SEC31A: variants seen among roughly 807,000 people sequenced by gnomAD.
The protein encoded by SEC31A is protein transport protein Sec31A.
SEC31A carries 70 observed loss-of-function variants against 151.0 expected under a neutral mutation model. The observed-to-expected ratio is 0.46, with a 90% CI of 0.38 to 0.57. SEC31A has a LOEUF of 0.57. Among genes scored for constraint, SEC31A ranks in the 20% least tolerant of loss-of-function variants. The pLI, the probability that SEC31A is intolerant of heterozygous loss-of-function variation, is 0.00. For synonymous variants in SEC31A, 475 were observed against 505.9 expected (o/e 0.94, Z 0.82); for missense variants, 1,330 against 1,471.2 (o/e 0.90, Z 1.57).
chr4:82,871,424 G>A, intron 7 of SEC31A: 1 of 1,503,818 alleles, frequency 6.6e-7, no homozygotes, highest in Non-Finnish European at 8.9e-7. Flanking sequence ...TAGGAACTGT[G>A]ACTTTAAGCA....
In SEC31A at chr4:82,861,678, T is replaced by C; in HGVS notation, c.1579A>G (p.Ser527Gly). The change falls in exon 14 of 27, where the codon AGT becomes GGT. Residue 527 changes from serine to glycine, a missense_variant. By Grantham distance (56) the Ser-to-Gly change is moderately conservative. Transcript: ENST00000395310. ...ALKDSDQVAQ[S>G]DGEESPAAEE... is the part of the protein sequence containing the mutation. Reference sequence around the variant, plus strand: ...GCAGCAGGGCTCTCCTCCCCATCACTCTGTGCTACTTGGTCAGAGTCTTTA... The same window carrying C: ...GCAGCAGGGCTCTCCTCCCCATCACCCTGTGCTACTTGGTCAGAGTCTTTA... 1 of 1,611,598 alleles carries C rather than the reference T, an allele frequency of 6.2e-7. No individual in the cohort carries two copies. The highest frequency in any genetic ancestry group is 1.1e-5 in the South Asian group (1 of 90,790).
At chr4:82,898,914 C>T (rs1031144850) in intron 3 of SEC31A, among the ~76,000 whole-genome samples, 2 of 151,958 alleles carry the variant, frequency 1.3e-5, no homozygotes, top group Non-Finnish European at 2.9e-5. Flanking sequence ...CACACAAAAA[C>T]TTGTACACAA....
At chr4:82,862,252 C>CA (rs70943163) in intron 13 of SEC31A, among the ~76,000 whole-genome samples, 23,748 of 89,686 alleles carry the variant, frequency 0.26, 2,308 homozygotes, top group Middle Eastern at 0.42. Context: ...TTTTCCTGGC[C>CA]AAAAAAAAAA....
At chr4:82,822,639 A>T (rs1250465051) in intron 25 of SEC31A, among the ~76,000 whole-genome samples, 1 of 152,230 alleles carries the variant, frequency 6.6e-6, no homozygotes, top group Non-Finnish European at 1.5e-5. Context: ...ACTACTGATT[A>T]AAATGAACTT....
intron 25 of SEC31A, among the ~76,000 whole-genome samples, chr4:82,822,904 C>A (rs962141846): frequency 6.6e-6 from 1 of 151,766 alleles, no homozygotes; most frequent in African/African-American, 2.4e-5. Context: ...ACCTGGGAGG[C>A]GGAGGTTGCA....
At chr4:82,844,598 A>G in intron 20 of SEC31A, 89 bp from the exon 21 acceptor site, 1 of 1,339,664 alleles carries the variant, frequency 7.5e-7, no homozygotes, top group Non-Finnish European at 1.0e-6. Flanking sequence ...ATGGAATTCT[A>G]TGTTTATTTA....
chr4:82,866,717 C>A, intron 10 of SEC31A, 91 bp downstream of exon 10: 2 of 1,119,078 alleles, frequency 1.8e-6, no homozygotes, highest in South Asian at 2.6e-5. Flanking sequence ...CAACTTAAAC[C>A]CTGATTGCTT....
chr4:82,881,006 T>C, intron 2 of SEC31A, 84 bp from the exon 3 acceptor site: 1 of 1,199,756 alleles, frequency 8.3e-7, no homozygotes. Flanking sequence ...AAAAGCATGT[T>C]TTCCATTCTC....
At chr4:82,882,375 C>T (rs1405497472) in intron 1 of SEC31A, among the ~76,000 whole-genome samples, 1 of 130,982 alleles carries the variant, frequency 7.6e-6, no homozygotes, top group Non-Finnish European at 1.5e-5. Context: ...GCATGCCAAC[C>T]TGGGCGAGAG....
chr4:82,842,032 T>C, intron 22 of SEC31A, 108 bp downstream of exon 22: 1 of 911,410 alleles, frequency 1.1e-6, no homozygotes, highest in Non-Finnish European at 1.6e-6. Context: ...AGTCAACACC[T>C]CACATTACCC....
At chr4:82,840,634 A>G (rs1031996159) in intron 22 of SEC31A, among the ~76,000 whole-genome samples, 1 of 152,206 alleles carries the variant, frequency 6.6e-6, no homozygotes, top group South Asian at 2.1e-4. Context: ...AACATCACAG[A>G]GTGCACTTAC....
Position 82,842,336 on chromosome 4 carries a change from C to G in SEC31A, c.2772G>C (p.Gln924His). The G allele has an allele frequency of 6.2e-7, 1 of 1,613,586 alleles. No individual in the cohort carries two copies. The highest frequency in any genetic ancestry group is 1.7e-5 in the Admixed American group (1 of 59,902). The change falls in exon 22 of 27, where the codon CAG becomes CAC. Residue 924 changes from glutamine (Q) to histidine (H), a missense_variant. By Grantham distance (24) the Gln-to-His change is conservative. Coordinates refer to ENST00000395310, the MANE Select transcript of SEC31A (RefSeq NM_001077207.4). ...SSASSYTGQS[Q>H]LYAAQHQASS... ...AGGCCTGGTGCTGTGCTGCGTACAG[C>G]TGAGACTGCCCAGTATAGGAAGAAG... is the stretch of plus-strand genomic sequence containing the variant.
At chr4:82,846,366 CATAATAATAATAATA>C (rs35831381) in intron 20 of SEC31A, among the ~76,000 whole-genome samples, 5 of 140,546 alleles carry the variant, frequency 3.6e-5, no homozygotes, top group Non-Finnish European at 6.1e-5. Context: ...AACTCCAAAA[CATAATAATAATAATA>C]ATAATAATAA....
At chr4:82,831,592 A>G (rs1022040095) in intron 22 of SEC31A, among the ~76,000 whole-genome samples, 1 of 152,150 alleles carries the variant, frequency 6.6e-6, no homozygotes, top group South Asian at 2.1e-4. Flanking sequence ...ACAGACTTCA[A>G]CCTGCATTTG....
intron 19 of SEC31A, among the ~76,000 whole-genome samples, chr4:82,849,191 T>C (rs532681649): frequency 6.6e-6 from 1 of 152,208 alleles, no homozygotes; most frequent in Non-Finnish European, 1.5e-5. Flanking sequence ...CAACTTGTAA[T>C]TTAACTGAGG....
In SEC31A at chr4:82,851,414, T is replaced by C. The variant is rs770105472; in HGVS notation, c.2328+17A>G. On this transcript the variant is annotated intron_variant, in intron 19 of 26. Transcript: ENST00000395310. ...TCACCTTACTCAAACATTACAAAAATGGTCAATTCTAATTACCTGGTTGGT... is the reference window on the plus strand; with the variant it reads ...TCACCTTACTCAAACATTACAAAAACGGTCAATTCTAATTACCTGGTTGGT... The C allele has an allele frequency of 9.4e-6, 15 of 1,600,262 alleles. No individual in the cohort carries two copies. Among genetic ancestry groups the C allele is most frequent in the Middle Eastern group, 1.7e-4 (1 of 5,994 alleles).
chr4:82,878,465 G>C (rs779885029), intron 4 of SEC31A, among the ~76,000 whole-genome samples: 1 of 152,136 alleles, frequency 6.6e-6, no homozygotes, highest in Non-Finnish European at 1.5e-5. Flanking sequence ...CTGCACTCCA[G>C]CCTGGTGACA....
chr4:82,867,332 A>G lies in SEC31A; in HGVS notation c.883-16T>C. 6.2e-7 allele frequency: 1 copy of G among 1,610,452 alleles called. No individual in the cohort carries two copies. The highest frequency in any genetic ancestry group is 8.5e-7 in the Non-Finnish European group (1 of 1,177,814). On this transcript the variant is annotated splice_polypyrimidine_tract_variant and intron_variant, in intron 8 of 26. Transcript: ENST00000395310. ...CATATAACACCTAGGCCAACAAAAA[A>G]CAAACAACAAAACTCAGAAAATGGT... is the stretch of plus-strand genomic sequence containing the variant.
upstream of SEC31A, chr4:82,895,372 G>A (rs1303072781): frequency 6.6e-6 from 1 of 152,128 alleles, no homozygotes; most frequent in Non-Finnish European, 1.5e-5. Flanking sequence ...TGGGAAGCTG[G>A]GCCACAATAA....
Sources: allele counts gnomAD v4.1 joint callset (sites outside exome capture counted in the v4.1 genomes callset), GRCh38; gene constraint gnomAD v4.1.1; transcripts MANE v1.5; gene names NCBI Gene and HGNC (gene_info 2026-07-23, HGNC 2026-07-21).